The following MACROD1 variants were observed in gnomAD, a reference collection of about 807,000 sequenced individuals.
MACROD1 encodes the protein mono-ADP ribosylhydrolase 1.
In MACROD1, 31 loss-of-function variants were observed where a neutral mutation model predicts 41.4. The observed-to-expected ratio is 0.75, with a 90% CI of 0.56 to 1.01. The LOEUF is 1.01. Ranked by LOEUF, MACROD1 falls within the 50% of genes least tolerant of loss-of-function variation. The pLI is 0.00. For synonymous variants in MACROD1, 252 were observed against 203.4 expected (o/e 1.24, Z -2.03); for missense variants, 473 against 460.0 (o/e 1.03, Z -0.26).
At chr11:64,081,063 C>G (rs1277832591) in intron 3 of MACROD1, among the ~76,000 whole-genome samples, 1 of 152,200 alleles carries the variant, frequency 6.6e-6, no homozygotes, top group Non-Finnish European at 1.5e-5. Context: ...GCCCTGTCCC[C>G]TAGGCTGGAG....
At chr11:63,999,444 C>A (rs1404154745) in intron 7 of MACROD1, 40 bp from the exon 8 acceptor site, 2 of 1,558,534 alleles carry the variant, frequency 1.3e-6, no homozygotes, top group Non-Finnish European at 1.7e-6. Flanking sequence ...AGGCTCTGGC[C>A]CCGCCCACTC....
intron 3 of MACROD1, among the ~76,000 whole-genome samples, chr11:64,063,118 C>G (rs1307807840): frequency 1.3e-5 from 2 of 152,150 alleles, no homozygotes. Context: ...ACAACGCGGG[C>G]AGCAGAGAGG....
chr11:64,076,152 C>T (rs746565056), intron 3 of MACROD1, among the ~76,000 whole-genome samples: 5 of 152,214 alleles, frequency 3.3e-5, no homozygotes, highest in Admixed American at 1.3e-4. Flanking sequence ...CTGACCCCAG[C>T]GACCTTCCCA....
rs1057069450 is a variant in MACROD1, at chr11:64,114,316, CGGAT to C, written c.517+36919_517+36922del. ...GATGCATGGATTGATACATGGATGA[CGGAT>C]GGATGGACGGACAGTAGATACATGA... On this transcript the variant is annotated intron_variant, in intron 3 of 10. Transcript: ENST00000255681. Among the ~76,000 whole-genome samples, 3 of 85,520 alleles carry C rather than the reference CGGAT, an allele frequency of 3.5e-5. 1 individual carries two copies. The highest frequency in any genetic ancestry group is 3.4e-4 in the East Asian group (1 of 2,972). 56.1% of individuals were successfully genotyped at this position (85,520 alleles called of 152,430 possible).
At chr11:64,130,802 C>T (rs1324515900) in intron 3 of MACROD1, among the ~76,000 whole-genome samples, 1 of 152,188 alleles carries the variant, frequency 6.6e-6, no homozygotes, top group African/African-American at 2.4e-5. Context: ...TCTCCTCCTG[C>T]GGCAAAGTAA....
At chr11:64,100,212 T>TC (rs749690479) in intron 3 of MACROD1, among the ~76,000 whole-genome samples, 4 of 152,098 alleles carry the variant, frequency 2.6e-5, no homozygotes, top group Non-Finnish European at 5.9e-5. Flanking sequence ...AGGTGCATTG[T>TC]CCCCTGGCAT....
chr11:64,044,773 T>C (rs1479010664), intron 3 of MACROD1, among the ~76,000 whole-genome samples: 1 of 152,088 alleles, frequency 6.6e-6, no homozygotes, highest in Non-Finnish European at 1.5e-5. Context: ...TGCTCCCCCC[T>C]CACCAGACCC....
At chr11:64,075,092 T>G (rs533607512) in intron 3 of MACROD1, among the ~76,000 whole-genome samples, 41 of 152,228 alleles carry the variant, frequency 2.7e-4, no homozygotes, top group Non-Finnish European at 5.0e-4. Flanking sequence ...CACTGTGGCT[T>G]CAGGAAGCAC....
chr11:64,001,433 G>A, intron 4 of MACROD1: 1 of 702,410 alleles, frequency 1.4e-6, no homozygotes. Flanking sequence ...ATCAAGAGAG[G>A]ACCATCATTC....
chr11:64,154,277 C>T (rs1003325706), intron 1 of MACROD1, among the ~76,000 whole-genome samples: 8 of 152,288 alleles, frequency 5.3e-5, no homozygotes, highest in South Asian at 2.1e-4. Context: ...TCCCCCAAAA[C>T]GTCATTTTTT....
intron 3 of MACROD1, among the ~76,000 whole-genome samples, chr11:64,100,799 T>G (rs1423132446): frequency 1.3e-5 from 2 of 152,044 alleles, no homozygotes; most frequent in Non-Finnish European, 1.5e-5. Context: ...GCACAGACGC[T>G]GAGGAGCCCA....
intron 3 of MACROD1, among the ~76,000 whole-genome samples, chr11:64,125,167 G>C (rs1481557125): frequency 6.6e-6 from 1 of 152,130 alleles, no homozygotes; most frequent in East Asian, 1.9e-4. Context: ...TGAGGGCATA[G>C]GGCAACCTGT....
intron 4 of MACROD1, among the ~76,000 whole-genome samples, chr11:64,007,744 C>T (rs982596025): frequency 1.6e-4 from 25 of 152,190 alleles, no homozygotes; most frequent in African/African-American, 6.0e-4. Flanking sequence ...AGCCCCACGC[C>T]AGAGGGTCCC....
intron 3 of MACROD1, among the ~76,000 whole-genome samples, chr11:64,094,618 C>T (rs540201572): frequency 1.8e-4 from 27 of 152,258 alleles, no homozygotes; most frequent in Admixed American, 3.9e-4. Context: ...GCCATTGGGT[C>T]GCGTACGTCA....
intron 3 of MACROD1, among the ~76,000 whole-genome samples, chr11:64,054,476 C>T (rs1943748086): frequency 6.6e-6 from 1 of 152,098 alleles, no homozygotes; most frequent in Non-Finnish European, 1.5e-5. Context: ...GTGCTGGGTT[C>T]GCTGTGCAGT....
At chr11:64,015,378 G>A (rs1251494035) in intron 3 of MACROD1, 97 bp from the exon 4 acceptor site, 29 of 1,187,436 alleles carry the variant, frequency 2.4e-5, no homozygotes, top group Non-Finnish European at 3.2e-5. Flanking sequence ...GGAGTGGGCT[G>A]CCAGCTAGGT....
intron 3 of MACROD1, among the ~76,000 whole-genome samples, chr11:64,057,354 C>T (rs1456376032): frequency 1.3e-5 from 2 of 152,186 alleles, no homozygotes; most frequent in Non-Finnish European, 2.9e-5. Flanking sequence ...AGCTCTTGCT[C>T]GGTGAACAGT....
rs1379751656 is a variant in MACROD1 at position 64,064,310 on chromosome 11, AG to A, written c.518-49030del. ...GTGCAGCCCTGTTCAGGCGGCGGGT[AG>A]GGGGGTGATGTCTCATCAGAAGAGG... On this transcript the variant is annotated intron_variant, in intron 3 of 10. Transcript: ENST00000255681. The surrounding 1 kb of genome is among the most constrained non-coding windows in gnomAD (Gnocchi z 4.5). Among the ~76,000 whole-genome samples the A allele has an allele frequency of 2.6e-5, 4 of 152,154 alleles. No homozygotes were observed.
chr11:64,121,557 G>A (rs574152574), intron 3 of MACROD1, among the ~76,000 whole-genome samples: 108 of 152,276 alleles, frequency 7.1e-4, no homozygotes, highest in East Asian at 9.6e-4. Context: ...AGCTAGGTCC[G>A]TTCTGAAACC....
Sources: gnomAD v4.1 joint callset for allele counts (sites outside exome capture counted in the v4.1 genomes callset) on GRCh38, gnomAD v4.1.1 for gene constraint, Gnocchi (gnomAD v3.1) non-coding constraint, MANE v1.5 for transcripts, NCBI Gene and HGNC (gene_info 2026-07-23, HGNC 2026-07-21) for gene names.